PRKN: variants seen among roughly 807,000 people sequenced by gnomAD.
PRKN encodes the protein E3 ubiquitin-protein ligase parkin.
In PRKN, 56 loss-of-function variants were observed where a neutral mutation model predicts 59.5. That is an observed-to-expected ratio of 0.94 (90% CI 0.76 to 1.18). PRKN has a LOEUF of 1.18. Ranked by LOEUF, PRKN falls within the 50% of genes most tolerant of loss-of-function variation. The probability of loss-of-function intolerance (pLI) is 0.00; values close to 1 mark genes in which losing one functional copy is unlikely to be tolerated. For synonymous variants in PRKN, 250 were observed against 222.1 expected, an observed-to-expected ratio of 1.13 and a Z score of -1.12; for missense variants, 657 against 596.4, an observed-to-expected ratio of 1.10 and a Z score of -1.06.
At chr6:162,628,141 C>T (rs749066284) in intron 1 of PRKN, among the ~76,000 whole-genome samples, 3 of 151,926 alleles carry the variant, frequency 2.0e-5, no homozygotes, top group Non-Finnish European at 4.4e-5. Flanking sequence ...GTCATGAAAT[C>T]AGGAATGGGA....
At chr6:161,911,961 T>A (rs1583335807) in intron 6 of PRKN, among the ~76,000 whole-genome samples, 1 of 152,116 alleles carries the variant, frequency 6.6e-6, no homozygotes, top group Non-Finnish European at 1.5e-5. Context: ...ACAGATCACC[T>A]GAGGTCAGGA....
chr6:161,736,177 G>A (rs950601989), intron 7 of PRKN, among the ~76,000 whole-genome samples: 3 of 152,142 alleles, frequency 2.0e-5, no homozygotes, highest in African/African-American at 4.8e-5. Flanking sequence ...AACACCACCT[G>A]TCAAAGAACT....
intron 1 of PRKN, among the ~76,000 whole-genome samples, chr6:162,659,966 T>G (rs533562058): frequency 2.0e-5 from 3 of 152,176 alleles, no homozygotes; most frequent in East Asian, 3.9e-4. Flanking sequence ...AAGAACAATA[T>G]TAAAAACCCT....
At chr6:162,379,310 T>A (rs1786299384) in intron 2 of PRKN, among the ~76,000 whole-genome samples, 1 of 152,126 alleles carries the variant, frequency 6.6e-6, no homozygotes, top group African/African-American at 2.4e-5. Flanking sequence ...TCCTATGGGC[T>A]GGGAGTAGGA....
chr6:161,789,867 G>C (rs1279347476), intron 6 of PRKN, among the ~76,000 whole-genome samples: 1 of 151,182 alleles, frequency 6.6e-6, no homozygotes, highest in African/African-American at 2.5e-5. Flanking sequence ...TATTTTTGTA[G>C]TTTCTCATAC....
At chr6:161,979,165 TG>T (rs770726723) in intron 5 of PRKN, among the ~76,000 whole-genome samples, 3 of 151,926 alleles carry the variant, frequency 2.0e-5, no homozygotes, top group East Asian at 1.9e-4. Context: ...TTTTTGTTTT[TG>T]TTTTTCCAAA....
intron 3 of PRKN, among the ~76,000 whole-genome samples, chr6:162,237,023 T>G (rs1778761034): frequency 6.6e-6 from 1 of 152,110 alleles, no homozygotes; most frequent in Non-Finnish European, 1.5e-5. Context: ...GCACCCATCC[T>G]CCTCCCACTA....
chr6:161,430,122 C>T lies in PRKN; in HGVS notation c.1084-43245G>A, dbSNP rs1399179736. Among the ~76,000 whole-genome samples, 4 of 152,058 alleles carry T rather than the reference C, an allele frequency of 2.6e-5. 1 individual carries two copies. The highest frequency in any genetic ancestry group is 4.8e-5 in the African/African-American group (2 of 41,382). Reference sequence around the variant, plus strand: ...GGAATCTGAGTCTTTTATAATGGGCCGTGAGCAGGACTGCCATTGTCAACA... The same window carrying T: ...GGAATCTGAGTCTTTTATAATGGGCTGTGAGCAGGACTGCCATTGTCAACA... On this transcript the variant is annotated intron_variant, in intron 9 of 11. Transcript: ENST00000366898.
At chr6:162,092,959 G>A (rs764488115) in intron 4 of PRKN, among the ~76,000 whole-genome samples, 1 of 152,164 alleles carries the variant, frequency 6.6e-6, no homozygotes, top group Non-Finnish European at 1.5e-5. Flanking sequence ...TCTGCCTCAC[G>A]CTTAGCTCTC....
intron 1 of PRKN, among the ~76,000 whole-genome samples, chr6:162,575,734 A>C (rs1456419346): frequency 3.3e-5 from 5 of 152,178 alleles, no homozygotes; most frequent in African/African-American, 1.2e-4. Context: ...CATCCCAGTC[A>C]CACAGGCTAT....
At position 161,531,373 on chromosome 6, in the gene PRKN, T is replaced by G. The variant is rs536444834; in HGVS notation, c.1083+17481A>C. Among the ~76,000 whole-genome samples, 338 of 135,376 alleles carry G rather than the reference T, an allele frequency of 2.5e-3. 1 individual carries two copies. Among genetic ancestry groups the G allele is most frequent in the African/African-American group, 9.3e-3 (326 of 35,118 alleles). 88.8% of individuals were successfully genotyped at this position (135,376 alleles called of 152,430 possible). A position where few individuals can be genotyped will look rare whatever the true frequency, so the allele number is the denominator to read the frequency against. On this transcript the variant is annotated intron_variant, in intron 9 of 11. Transcript: ENST00000366898. The stretch of plus-strand genomic sequence containing the variant: ...TCCAGCCTGGATGACAGAGCGAGAC[T>G]CCGTCTCAAAAAAAAAAAAAAAAAT...
At chr6:161,695,480 A>G (rs182478471) in intron 7 of PRKN, among the ~76,000 whole-genome samples, 120 of 152,244 alleles carry the variant, frequency 7.9e-4, no homozygotes, top group African/African-American at 2.8e-3. Flanking sequence ...CCAAATCCAC[A>G]TGTGTTCTCA....
chr6:161,571,312 G>A (rs1780880187), intron 7 of PRKN, among the ~76,000 whole-genome samples: 1 of 152,154 alleles, frequency 6.6e-6, no homozygotes, highest in South Asian at 2.1e-4. Context: ...AAGACCTATG[G>A]ATTATATAAT....
At chr6:162,201,054 T>C (rs1481375300) in intron 4 of PRKN, 77 bp downstream of exon 4, 2 of 1,461,294 alleles carry the variant, frequency 1.4e-6, no homozygotes, top group African/African-American at 2.8e-5. Context: ...TGATACATCA[T>C]TAGAAAAACT....
At position 162,213,800 on chromosome 6, in the gene PRKN, AC is replaced by A. The variant is rs1562585808; in HGVS notation, c.413-12549del. On this transcript the variant is annotated intron_variant, in intron 3 of 11. Coordinates refer to ENST00000366898, the MANE Select transcript of PRKN (RefSeq NM_004562.3). The stretch of plus-strand genomic sequence containing the variant: ...ATAGTAAAAATATTTCCAAAAAAAA[AC>A]CATACACACACACACACACACACAC... 3.2e-5 allele frequency among the ~76,000 whole-genome samples: 4 copies of A among 125,760 alleles called. No individual in the cohort carries two copies. In the East Asian group the frequency reaches 6.8e-4, roughly 21 times the overall value. The allele number at this position is 125,760 out of a possible 152,430, so 82.5% of individuals were successfully genotyped here. A position where few individuals can be genotyped will look rare whatever the true frequency, so the allele number is the denominator to read the frequency against.
chr6:162,458,007 G>A (rs1456511378), intron 1 of PRKN, among the ~76,000 whole-genome samples: 1 of 151,832 alleles, frequency 6.6e-6, no homozygotes. Context: ...TGTAATCCAA[G>A]CTCTTTGAGA....
chr6:162,202,359 G>T (rs1784766303), intron 3 of PRKN, among the ~76,000 whole-genome samples: 1 of 152,086 alleles, frequency 6.6e-6, no homozygotes, highest in Non-Finnish European at 1.5e-5. Context: ...AGACATATTG[G>T]ATTATCATTT....
chr6:161,387,699 T>C lies in PRKN; in HGVS notation c.1084-822A>G, dbSNP rs56003065. Among the ~76,000 whole-genome samples, 173 of 152,318 alleles carry C rather than the reference T, an allele frequency of 1.1e-3. 1 individual carries two copies. Among genetic ancestry groups the C allele is most frequent in the African/African-American group, 4.0e-3 (167 of 41,574 alleles). On this transcript the variant is annotated intron_variant, in intron 9 of 11. Coordinates refer to ENST00000366898, the MANE Select transcript of PRKN (RefSeq NM_004562.3). ...GACTTACTTTCGTATTAAAAGCCTATTATGGAAAAAGAAATGGGTGGCTAT... is the reference window on the plus strand; with the variant it reads ...GACTTACTTTCGTATTAAAAGCCTACTATGGAAAAAGAAATGGGTGGCTAT...
At chr6:162,641,472 C>G (rs1005432454) in intron 1 of PRKN, among the ~76,000 whole-genome samples, 2 of 151,926 alleles carry the variant, frequency 1.3e-5, no homozygotes, top group Non-Finnish European at 2.9e-5. Context: ...TATCTGGTTA[C>G]CTATTTAATC....
Sources: gnomAD v4.1 joint callset for allele counts (sites outside exome capture counted in the v4.1 genomes callset) on GRCh38, gnomAD v4.1.1 for gene constraint, MANE v1.5 for transcripts, NCBI Gene and HGNC (gene_info 2026-07-23, HGNC 2026-07-21) for gene names.